The following LRRN2 variants were observed in gnomAD, a reference collection of about 807,000 sequenced individuals.
LRRN2 encodes the protein leucine-rich repeat neuronal protein 2.
LRRN2 carries 10 observed loss-of-function variants against 35.7 expected under a neutral mutation model. The ratio of observed to expected loss-of-function variants is 0.28; its 90% CI spans 0.17 to 0.47. The LOEUF (loss-of-function observed/expected upper bound fraction) is 0.47. Among genes scored for constraint, LRRN2 ranks in the 20% least tolerant of loss-of-function variants. The pLI is 0.99. For synonymous variants in LRRN2, 391 were observed against 409.6 expected, an observed-to-expected ratio of 0.95 and a Z score of 0.55; for missense variants, 731 against 940.3, an observed-to-expected ratio of 0.78 and a Z score of 2.91.
At chr1:204,674,456 C>A (rs555238906) in intron 1 of LRRN2, among the ~76,000 whole-genome samples, 1 of 152,180 alleles carries the variant, frequency 6.6e-6, no homozygotes, top group Admixed American at 6.5e-5. Flanking sequence ...GGGGGCCGGC[C>A]GGTGGCTCAG....
chr1:204,654,537 CCAG>C (rs1319394476), intron 1 of LRRN2, among the ~76,000 whole-genome samples: 1 of 152,326 alleles, frequency 6.6e-6, no homozygotes, highest in East Asian at 1.9e-4. Context: ...CAGGTCCCAT[CCAG>C]CTGTCTTGAT....
In LRRN2 at chr1:204,619,420, C is replaced by T. The variant is rs1432050755; in HGVS notation, c.573G>A (p.Leu191=). Residue 191 remains leucine (L), a synonymous_variant, in exon 2 of 2, where the codon TTG becomes TTA. Coordinates refer to ENST00000367177, the MANE Select transcript of LRRN2 (RefSeq NM_201630.2). The part of the protein sequence containing the change: ...DSRWFEMLPN[L]EILMIGGNKV... ...TGTTGCCGCCAATCATGAGTATCTC[C>T]AAGTTGGGCAGCATTTCAAACCAGC... 1 of 1,614,274 alleles carries T rather than the reference C, an allele frequency of 6.2e-7. No homozygotes were observed. The highest frequency in any genetic ancestry group is 8.5e-7 in the Non-Finnish European group (1 of 1,180,048).
chr1:204,619,827 T>A lies in LRRN2; in HGVS notation c.166A>T (p.Asn56Tyr). The A allele has an allele frequency of 1.9e-6, 3 of 1,613,902 alleles. No homozygotes were observed. The highest frequency in any genetic ancestry group is 2.5e-6 in the Non-Finnish European group (3 of 1,179,892). The stretch of plus-strand genomic sequence containing the variant: ...GGGACTGCCGTCAGGAATAGGTCAT[T>A]GCAGTCCACAGTGGTAGCCTCGCGG... Reference protein sequence around the residue: ...SYREATTVDCNDLFLTAVPPA... With the variant: ...SYREATTVDCYDLFLTAVPPA... The change falls in exon 2 of 2, where the codon AAT becomes TAT. Residue 56 changes from asparagine to tyrosine, a missense_variant. Transcript: ENST00000367177.
chr1:204,637,693 T>TGTGTGTGTGTGTGTG (rs1667867952), intron 1 of LRRN2, among the ~76,000 whole-genome samples: 3 of 125,302 alleles, frequency 2.4e-5, no homozygotes, highest in African/African-American at 9.0e-5. Flanking sequence ...TGTGTGTGTG[T>TGTGTGTGTGTGTGTG]TTGGGGGCAG....
rs1315303732 is a variant in LRRN2 at position 204,618,710 on chromosome 1, C to A, written c.1283G>T (p.Ser428Ile). Residue 428 changes from serine (S) to isoleucine (I), a missense_variant, in exon 2 of 2, where the codon AGC becomes ATC. Ser to Ile is a moderately radical substitution (Grantham distance 142). Transcript: ENST00000367177. ...GGCTACCTGGAGGCTTGGGGGGAAGCTTCGTGGGGAGATGAGGGGCAAACA... is the reference window on the plus strand; with the variant it reads ...GGCTACCTGGAGGCTTGGGGGGAAGATTCGTGGGGAGATGAGGGGCAAACA... ...DHCLPLISPR[S>I]FPPSLQVASG... is the part of the protein sequence containing the mutation. The A allele has an allele frequency of 6.2e-7, 1 of 1,600,964 alleles. No homozygotes were observed. Among genetic ancestry groups the A allele is most frequent in the Admixed American group, 1.7e-5 (1 of 59,470 alleles).
At chr1:204,657,540 A>G (rs1302515102) in intron 1 of LRRN2, among the ~76,000 whole-genome samples, 4 of 151,898 alleles carry the variant, frequency 2.6e-5, no homozygotes, top group Non-Finnish European at 5.9e-5. Context: ...AAATCTATAG[A>G]GACAGAAAGC....
At chr1:204,652,263 C>T (rs1274874439) in intron 1 of LRRN2, among the ~76,000 whole-genome samples, 1 of 73,422 alleles carries the variant, frequency 1.4e-5, no homozygotes, top group Non-Finnish European at 2.4e-5. Context: ...CTTCACCGCC[C>T]CCCCCCCGCC....
In LRRN2 at chr1:204,620,215, A is replaced by C; in HGVS notation, c.-223T>G. On this transcript the variant is annotated 5_prime_UTR_variant, in exon 2 of 2. Transcript: ENST00000367177. ...GTCATTGCCAGGCCCCATCAGGGGC[A>C]GCCCTGGAAGAAGAGGATGCAGAGT... 1.4e-6 allele frequency: 2 copies of C among 1,439,334 alleles called. No homozygotes were observed. Among genetic ancestry groups the C allele is most frequent in the South Asian group, 3.1e-5 (2 of 65,534 alleles). The allele number at this position is 1,439,334 out of a possible 1,614,324, so 89.2% of individuals were successfully genotyped here. A position where few individuals can be genotyped will look rare whatever the true frequency, so the allele number is the denominator to read the frequency against.
chr1:204,670,396 G>A (rs187037635), intron 1 of LRRN2, among the ~76,000 whole-genome samples: 46 of 152,296 alleles, frequency 3.0e-4, no homozygotes, highest in African/African-American at 1.1e-3. Context: ...GGAGAATCAC[G>A]ACTCTGGCTT....
At chr1:204,658,248 G>T (rs1292643225) in intron 1 of LRRN2, among the ~76,000 whole-genome samples, 1 of 152,056 alleles carries the variant, frequency 6.6e-6, no homozygotes, top group African/African-American at 2.4e-5. Flanking sequence ...AAAGTGTTGG[G>T]ATTACAGGCA....
intron 1 of LRRN2, among the ~76,000 whole-genome samples, chr1:204,644,414 C>T (rs1193528101): frequency 6.6e-6 from 1 of 152,150 alleles, no homozygotes; most frequent in Non-Finnish European, 1.5e-5. Flanking sequence ...AGCAGCTCCC[C>T]CGACAGCCCC....
At chr1:204,644,635 C>T (rs1000685042) in intron 1 of LRRN2, among the ~76,000 whole-genome samples, 1 of 152,200 alleles carries the variant, frequency 6.6e-6, no homozygotes, top group Admixed American at 6.5e-5. Flanking sequence ...CTCTTGCTCC[C>T]ACAACACCTA....
chr1:204,675,033 G>A (rs559333358), intron 1 of LRRN2, among the ~76,000 whole-genome samples: 7 of 152,340 alleles, frequency 4.6e-5, no homozygotes, highest in African/African-American at 1.7e-4. Flanking sequence ...CAAAACAGGA[G>A]TGGACCGTGG....
At chr1:204,642,250 A>G (rs1457234995) in intron 1 of LRRN2, among the ~76,000 whole-genome samples, 1 of 151,922 alleles carries the variant, frequency 6.6e-6, no homozygotes, top group Non-Finnish European at 1.5e-5. Context: ...TTTCTCTAGC[A>G]CCTCTCTCCC....
intron 1 of LRRN2, among the ~76,000 whole-genome samples, chr1:204,662,354 C>A (rs1668489511): frequency 6.6e-6 from 1 of 152,088 alleles, no homozygotes; most frequent in South Asian, 2.1e-4. Flanking sequence ...ATATGCCAGA[C>A]CCTTTACAAA....
rs565374905 is a variant in LRRN2 at position 204,673,563 on chromosome 1, G to C, written c.-227+11757C>G. Among the ~76,000 whole-genome samples the C allele has an allele frequency of 7.2e-5, 11 of 152,318 alleles. No individual in the cohort carries two copies. The South Asian group carries it at 2.3e-3, about 32-fold the overall frequency. ...GAAGGTGCTCTCTTCAGCACATCAG[G>C]CTGCTTCCCACAAACGCACAACAGA... On this transcript the variant is annotated intron_variant, in intron 1 of 1. Coordinates refer to ENST00000367177, the MANE Select transcript of LRRN2 (RefSeq NM_201630.2).
At position 204,620,117 on chromosome 1, in the gene LRRN2, C is replaced by A; in HGVS notation, c.-125G>T. 1 of 1,470,108 alleles carries A rather than the reference C, an allele frequency of 6.8e-7. No homozygotes were observed. The highest frequency in any genetic ancestry group is 9.0e-7 in the Non-Finnish European group (1 of 1,109,244). 91.1% of individuals were successfully genotyped at this position (1,470,108 alleles called of 1,614,324 possible). ...GAACCACCCTCCCAGGGCAGTCATT[C>A]TACACCGGGCGTCACTTCTTGCCCT... On this transcript the variant is annotated 5_prime_UTR_variant, in exon 2 of 2. Coordinates refer to ENST00000367177, the MANE Select transcript of LRRN2 (RefSeq NM_201630.2).
intron 1 of LRRN2, among the ~76,000 whole-genome samples, chr1:204,624,109 G>A (rs900323482): frequency 6.6e-6 from 1 of 152,220 alleles, no homozygotes; most frequent in African/African-American, 2.4e-5. Context: ...GGGCAAGGCT[G>A]CCTCAGTTGC....
chr1:204,684,498 G>T (rs1374420791), intron 1 of LRRN2, among the ~76,000 whole-genome samples: 1 of 152,144 alleles, frequency 6.6e-6, no homozygotes, highest in African/African-American at 2.4e-5. Flanking sequence ...TAGCTTCTCC[G>T]CTCGGCCCCA....
Sources: allele counts gnomAD v4.1 joint callset (sites outside exome capture counted in the v4.1 genomes callset), GRCh38; gene constraint gnomAD v4.1.1; transcripts MANE v1.5; gene names NCBI Gene and HGNC (gene_info 2026-07-23, HGNC 2026-07-21).